The following IL19 variants were observed in gnomAD, a reference collection of about 807,000 sequenced individuals.
The protein encoded by IL19 is interleukin-19.
Under a neutral mutation model 19.5 loss-of-function variants are expected in IL19, and 15 were observed. That is an observed-to-expected ratio of 0.77 (90% CI 0.52 to 1.19). The LOEUF is 1.19. Among genes scored for constraint, IL19 ranks in the 50% most tolerant of loss-of-function variants. IL19 has a pLI of 0.00. For missense variants in IL19, 199 were observed against 213.1 expected (o/e 0.93, Z 0.41); for synonymous variants, 78 against 78.3 (o/e 1.00, Z 0.02).
Position 206,799,001 on chromosome 1 carries a change from CACGGGGTAAGTAATT to C in IL19, c.-7_-3+10del. 1 of 1,608,598 alleles carries C rather than the reference CACGGGGTAAGTAATT, an allele frequency of 6.2e-7. No homozygotes were observed. Among genetic ancestry groups the C allele is most frequent in the African/African-American group, 1.3e-5 (1 of 74,916 alleles). On this transcript the variant is annotated splice_donor_variant and splice_donor_5th_base_variant and 5_prime_UTR_variant and intron_variant, in exon 2 of 7. Transcript: ENST00000659997. LOFTEE classifies it low-confidence loss of function (5UTR_SPLICE). Reference sequence around the variant, plus strand: ...GTGCCAGTGCTTTGGGGCTCTGTTCCACGGGGTAAGTAATTTCTGCTATAGGGACCCTGGATGTGG... The same window carrying C: ...GTGCCAGTGCTTTGGGGCTCTGTTCCTCTGCTATAGGGACCCTGGATGTGG...
At chr1:206,830,723 T>TG (rs1676576219) in intron 2 of IL19, among the ~76,000 whole-genome samples, 2 of 152,028 alleles carry the variant, frequency 1.3e-5, no homozygotes, top group South Asian at 4.1e-4. Flanking sequence ...GAATTACAGG[T>TG]ACTGCCACCA....
chr1:206,775,132 C>T (rs1489095348), intron 1 of IL19, among the ~76,000 whole-genome samples: 1 of 152,018 alleles, frequency 6.6e-6, no homozygotes, highest in African/African-American at 2.4e-5. Flanking sequence ...GCTCTGCCTC[C>T]CGAGTTCAAG....
intron 2 of IL19, among the ~76,000 whole-genome samples, chr1:206,801,631 G>T (rs1675711035): frequency 6.6e-6 from 1 of 152,242 alleles, no homozygotes; most frequent in Admixed American, 6.5e-5. Context: ...CATCCCACCT[G>T]AGTCAGACCC....
intron 2 of IL19, among the ~76,000 whole-genome samples, chr1:206,814,649 G>A (rs1045052069): frequency 3.3e-5 from 5 of 151,370 alleles, no homozygotes; most frequent in African/African-American, 1.2e-4. Context: ...AATCGAGACT[G>A]TGCCACTGCA....
chr1:206,806,611 T>C (rs1179463011), intron 2 of IL19, among the ~76,000 whole-genome samples: 2 of 152,126 alleles, frequency 1.3e-5, no homozygotes, highest in African/African-American at 4.8e-5. Flanking sequence ...TTCCCGGAAC[T>C]CTCCCTGAGC....
chr1:206,804,936 C>T (rs1675808576), intron 2 of IL19, among the ~76,000 whole-genome samples: 1 of 152,202 alleles, frequency 6.6e-6, no homozygotes, highest in Non-Finnish European at 1.5e-5. Context: ...CACCAGACTC[C>T]TTCCTTTCTA....
In IL19 at chr1:206,770,871, G is replaced by T. The variant is rs370871933; in HGVS notation, c.-356G>T. ...GGTCTGTAGGAGATGGTATTTTGGG[G>T]GCAGCTGCAAGGGAAAAAACTGATC... is the stretch of plus-strand genomic sequence containing the variant. On this transcript the variant is annotated 5_prime_UTR_variant, in exon 1 of 7. Transcript: ENST00000659997. 3 of 1,607,694 alleles carry T rather than the reference G, an allele frequency of 1.9e-6. No homozygotes were observed. The highest frequency in any genetic ancestry group is 2.7e-5 in the African/African-American group (2 of 74,770).
intron 2 of IL19, among the ~76,000 whole-genome samples, chr1:206,827,895 C>A (rs79026225): frequency 1.3e-5 from 2 of 152,278 alleles, no homozygotes; most frequent in Non-Finnish European, 2.9e-5. Context: ...TACTTGGTAG[C>A]TCCAAGTCTC....
Position 206,802,677 on chromosome 1 carries a change from C to CT in IL19, c.-3+3681dup, listed in dbSNP as rs564545992. ...GGTACAAATTTTCAATTTTTTTTTT[C>CT]TTTTTTTTTTGCCATGGGCAAGTTC... is the stretch of plus-strand genomic sequence containing the variant. On this transcript the variant is annotated intron_variant, in intron 2 of 6. Transcript: ENST00000659997. Among the ~76,000 whole-genome samples, 276 of 144,452 alleles carry CT rather than the reference C, an allele frequency of 1.9e-3. 4 individuals are homozygous for CT. In the Middle Eastern group the frequency reaches 0.021, roughly 11 times the overall value. The allele number at this position is 144,452 out of a possible 152,430, so 94.8% of individuals were successfully genotyped here.
chr1:206,826,043 C>T (rs1176449333), intron 2 of IL19, among the ~76,000 whole-genome samples: 2 of 152,164 alleles, frequency 1.3e-5, no homozygotes, highest in Non-Finnish European at 2.9e-5. Context: ...CTCAGCCCTC[C>T]TCCACCTTCA....
chr1:206,833,917 G>T (rs1272613178), intron 2 of IL19: 1 of 985,476 alleles, frequency 1.0e-6, no homozygotes, highest in African/African-American at 1.7e-5. Flanking sequence ...TAAGGCATTG[G>T]AGAACTGGAT....
chr1:206,823,480 G>A (rs528547138), intron 2 of IL19, among the ~76,000 whole-genome samples: 182 of 151,752 alleles, frequency 1.2e-3, no homozygotes, highest in African/African-American at 3.9e-3. Context: ...GTGTGAACCC[G>A]GGAGGTGGAG....
At chr1:206,809,120 GC>G (rs943404371) in intron 2 of IL19, among the ~76,000 whole-genome samples, 34 of 152,114 alleles carry the variant, frequency 2.2e-4, no homozygotes, top group African/African-American at 8.2e-4. Context: ...CATGGGTGTT[GC>G]CCCCACTGCT....
At chr1:206,797,560 G>A (rs1474370045) in intron 1 of IL19, among the ~76,000 whole-genome samples, 1 of 152,196 alleles carries the variant, frequency 6.6e-6, no homozygotes, top group Non-Finnish European at 1.5e-5. Flanking sequence ...ATGGGCAGGT[G>A]TCTACATTCA....
intron 2 of IL19, among the ~76,000 whole-genome samples, chr1:206,822,422 G>C (rs1222717747): frequency 6.6e-6 from 1 of 152,148 alleles, no homozygotes; most frequent in Non-Finnish European, 1.5e-5. Context: ...CATGTCTCAG[G>C]TTAAACCTCA....
intron 2 of IL19, among the ~76,000 whole-genome samples, chr1:206,831,914 C>G (rs1018084977): frequency 6.6e-6 from 1 of 152,220 alleles, no homozygotes; most frequent in African/African-American, 2.4e-5. Flanking sequence ...AAAGCTAGGT[C>G]AGAACATATA....
intron 1 of IL19, among the ~76,000 whole-genome samples, chr1:206,796,762 C>T (rs1486974689): frequency 6.6e-6 from 1 of 152,156 alleles, no homozygotes; most frequent in Non-Finnish European, 1.5e-5. Flanking sequence ...ATGACAAAAC[C>T]TCCTAATAAG....
chr1:206,782,977 C>G (rs1209303764), intron 1 of IL19, among the ~76,000 whole-genome samples: 1 of 152,226 alleles, frequency 6.6e-6, no homozygotes, highest in Non-Finnish European at 1.5e-5. Flanking sequence ...TTCCTAGCCC[C>G]ACTGGCCAGA....
chr1:206,777,163 G>A (rs1244742359), intron 1 of IL19, among the ~76,000 whole-genome samples: 2 of 148,642 alleles, frequency 1.3e-5, no homozygotes, highest in South Asian at 2.1e-4. Context: ...CCTGGGAGGC[G>A]GAGCTTGCAG....
Sources: gnomAD v4.1 joint callset for allele counts (sites outside exome capture counted in the v4.1 genomes callset) on GRCh38, gnomAD v4.1.1 for gene constraint, MANE v1.5 for transcripts, NCBI Gene and HGNC (gene_info 2026-07-23, HGNC 2026-07-21) for gene names.